USO1: variants seen among roughly 807,000 people sequenced by gnomAD.
USO1 encodes general vesicular transport factor p115.
Under a neutral mutation model 124.5 loss-of-function variants are expected in USO1, and 57 were observed. The ratio of observed to expected loss-of-function variants is 0.46; its 90% CI spans 0.37 to 0.57. The LOEUF (loss-of-function observed/expected upper bound fraction) is 0.57. Among genes scored for constraint, USO1 ranks in the 20% least tolerant of loss-of-function variants. The pLI is 0.00. For missense variants in USO1, 900 were observed against 1,040.6 expected (o/e 0.86, Z 1.86); for synonymous variants, 369 against 362.8 (o/e 1.02, Z -0.19).
At position 75,799,602 on chromosome 4, in the gene USO1, T is replaced by C. The variant is rs1722783782; in HGVS notation, c.1453-20T>C. On this transcript the variant is annotated intron_variant, in intron 13 of 23. Transcript: ENST00000514213. ...AATATAAAATGAATGGAAAGATTTC[T>C]ACCAATTTATCTGTTGCAGGGAAGC... The C allele has an allele frequency of 1.1e-5, 17 of 1,610,138 alleles. No homozygotes were observed. The highest frequency in any genetic ancestry group is 1.4e-5 in the Non-Finnish European group (17 of 1,178,498).
At chr4:75,755,484 A>T (rs1000302031) in intron 3 of USO1, 1 of 520,054 alleles carries the variant, frequency 1.9e-6, no homozygotes, top group Non-Finnish European at 3.8e-6. Context: ...AAACAAAGCT[A>T]AAGATACAAG....
chr4:75,806,714 G>A, intron 20 of USO1, 142 bp downstream of exon 20: 1 of 1,138,308 alleles, frequency 8.8e-7, no homozygotes, highest in Non-Finnish European at 1.2e-6. Context: ...AAATCCAGAA[G>A]CTGTTTCTAT....
chr4:75,787,378 TATACTC>T (rs1174727310), intron 10 of USO1, among the ~76,000 whole-genome samples, 176 bp downstream of exon 10: 8 of 152,210 alleles, frequency 5.3e-5, no homozygotes, highest in African/African-American at 1.7e-4. Context: ...TTCCAAAAGA[TATACTC>T]ATCCCTCAAG....
At position 75,774,836 on chromosome 4, in the gene USO1, A is replaced by G. The variant is rs186334011; in HGVS notation, c.676+40A>G. On this transcript the variant is annotated intron_variant, in intron 8 of 23. Coordinates refer to ENST00000514213, the MANE Select transcript of USO1 (RefSeq NM_003715.4). ...AATTATTTGAAGACATTCCTTTTGT[A>G]CTCACTGACTTGTTAGGGTATAGGG... 12 of 1,598,586 alleles carry G rather than the reference A, an allele frequency of 7.5e-6. No homozygotes were observed. The East Asian group carries it at 1.8e-4, about 24-fold the overall frequency.
At chr4:75,761,102 G>A (rs528225389) in intron 4 of USO1, among the ~76,000 whole-genome samples, 3 of 152,194 alleles carry the variant, frequency 2.0e-5, no homozygotes, top group South Asian at 4.1e-4. Flanking sequence ...AGCTAAGATT[G>A]TGCCACTGCA....
At chr4:75,754,600 C>G (rs554296036) in intron 3 of USO1, among the ~76,000 whole-genome samples, 1 of 152,292 alleles carries the variant, frequency 6.6e-6, no homozygotes, top group Non-Finnish European at 1.5e-5. Flanking sequence ...TTTCCATGCC[C>G]CCTTCGACCA....
chr4:75,728,523 G>A (rs1438243474), intron 1 of USO1, among the ~76,000 whole-genome samples: 1 of 152,136 alleles, frequency 6.6e-6, no homozygotes, highest in Non-Finnish European at 1.5e-5. Flanking sequence ...GGTGGCACAT[G>A]CCTATAATCT....
intron 4 of USO1, among the ~76,000 whole-genome samples, chr4:75,761,130 CAG>C (rs1198651707): frequency 6.6e-6 from 1 of 151,686 alleles, no homozygotes; most frequent in Non-Finnish European, 1.5e-5. Context: ...GCCTGGGCGA[CAG>C]AGTGAGACTT....
chr4:75,806,632 G>A lies in USO1; in HGVS notation c.2376+60G>A, dbSNP rs17000907. The A allele has an allele frequency of 1.1e-3, 1,728 of 1,517,162 alleles. 24 individuals are homozygous for A. The African/African-American group carries it at 0.022, about 19-fold the overall frequency. The allele number at this position is 1,517,162 out of a possible 1,614,324, so 94.0% of individuals were successfully genotyped here. ...ATGTTTTAATTATAATAGAATAACA[G>A]CCCTATAGTTTCACAAATCTAGAAC... On this transcript the variant is annotated intron_variant, in intron 20 of 23. Transcript: ENST00000514213.
At chr4:75,804,602 G>A (rs1722943342) in intron 18 of USO1, among the ~76,000 whole-genome samples, 1 of 152,114 alleles carries the variant, frequency 6.6e-6, no homozygotes, top group Non-Finnish European at 1.5e-5. Context: ...TAATAAATCT[G>A]GGATTAGGTC....
chr4:75,773,877 A>G (rs1476783186), intron 7 of USO1, among the ~76,000 whole-genome samples: 4 of 150,998 alleles, frequency 2.6e-5, no homozygotes, highest in Non-Finnish European at 5.9e-5. Context: ...TTTACTACCT[A>G]TTTGCTATTC....
chr4:75,786,579 G>A (rs1239910785), intron 9 of USO1, among the ~76,000 whole-genome samples: 1 of 152,080 alleles, frequency 6.6e-6, no homozygotes, highest in South Asian at 2.1e-4. Flanking sequence ...CCCACCCCAT[G>A]CCTAATACAT....
At chr4:75,773,606 A>G (rs1446800123) in intron 7 of USO1, among the ~76,000 whole-genome samples, 1 of 152,170 alleles carries the variant, frequency 6.6e-6, no homozygotes, top group Admixed American at 6.6e-5. Flanking sequence ...AACCCACTTT[A>G]TATAACTCAG....
At chr4:75,754,104 T>G (rs1577938051) in intron 3 of USO1, among the ~76,000 whole-genome samples, 1 of 138,268 alleles carries the variant, frequency 7.2e-6, no homozygotes, top group African/African-American at 2.7e-5. Flanking sequence ...TTTTTTCAGA[T>G]AGAGTTTCGC....
chr4:75,734,404 A>G (rs903082725), intron 1 of USO1, among the ~76,000 whole-genome samples: 1 of 152,094 alleles, frequency 6.6e-6, no homozygotes, highest in Admixed American at 6.6e-5. Context: ...TCCTTTCTCC[A>G]TTGCTTGTTA....
chr4:75,739,765 T>A (rs1349126919), intron 1 of USO1, among the ~76,000 whole-genome samples: 1 of 152,062 alleles, frequency 6.6e-6, no homozygotes, highest in Non-Finnish European at 1.5e-5. Context: ...CAGGCTGGTC[T>A]CGAACTCCTG....
chr4:75,747,050 C>A (rs2149149298), intron 1 of USO1, among the ~76,000 whole-genome samples: 1 of 152,166 alleles, frequency 6.6e-6, no homozygotes, highest in African/African-American at 2.4e-5. Context: ...TGTATTATTT[C>A]ATTTAATATC....
chr4:75,767,482 C>T (rs889537756), intron 4 of USO1: 7 of 440,434 alleles, frequency 1.6e-5, no homozygotes, highest in Non-Finnish European at 1.8e-5. Flanking sequence ...TGGTGGCTCA[C>T]GCCTGTAATC....
intron 7 of USO1, among the ~76,000 whole-genome samples, chr4:75,773,964 A>C (rs1202590494): frequency 1.3e-5 from 2 of 152,116 alleles, no homozygotes; most frequent in African/African-American, 4.8e-5. Context: ...GCTATTATTT[A>C]ATACTTAGGG....
Sources: gnomAD v4.1 joint callset for allele counts (sites outside exome capture counted in the v4.1 genomes callset) on GRCh38, gnomAD v4.1.1 for gene constraint, MANE v1.5 for transcripts, NCBI Gene and HGNC (gene_info 2026-07-23, HGNC 2026-07-21) for gene names.